The following TPX2 variants were observed in gnomAD, a reference collection of about 807,000 sequenced individuals.
TPX2 encodes the protein TPX2 microtubule nucleation factor, also known as targeting protein for Xklp2.
A neutral mutation model predicts 93.6 loss-of-function variants in TPX2; 21 were observed. That is an observed-to-expected ratio of 0.22 (90% CI 0.16 to 0.32). The LOEUF (loss-of-function observed/expected upper bound fraction) is 0.32, where lower values mean the gene tolerates loss of function less well. Among genes scored for constraint, TPX2 ranks in the 10% least tolerant of loss-of-function variants. The pLI, the probability that TPX2 is intolerant of heterozygous loss-of-function variation, is 1.00. For missense variants in TPX2, 776 were observed against 871.1 expected, an observed-to-expected ratio of 0.89 and a Z score of 1.37; for synonymous variants, 281 against 298.3, an observed-to-expected ratio of 0.94 and a Z score of 0.60.
In TPX2 at chr20:31,770,440, G is replaced by A. The variant is rs2061958154; in HGVS notation, c.454G>A (p.Asp152Asn). Reference sequence around the variant, plus strand: ...GAGATGTGCCACTCCTGTAATCATCGATGAAATTCTACCCTCTAAGAAAAT... The same window carrying A: ...GAGATGTGCCACTCCTGTAATCATCAATGAAATTCTACCCTCTAAGAAAAT... ...AKRCATPVII[D>N]EILPSKKMKV... The change falls in exon 6 of 18, where the codon GAT becomes AAT. Residue 152 changes from aspartate to asparagine, a missense_variant. Physicochemically the swap from Asp to Asn is conservative, Grantham distance 23. Around this residue, in one of 3 missense-constraint regions of TPX2, gnomAD observed 279 missense variants for 261.6 expected, o/e 1.07. Transcript: ENST00000300403. 7 of 1,593,052 alleles carry A rather than the reference G, an allele frequency of 4.4e-6. No individual in the cohort carries two copies. Among genetic ancestry groups the A allele is most frequent in the South Asian group, 1.2e-5 (1 of 86,770 alleles).
At chr20:31,768,641 A>T (rs767683893) in intron 5 of TPX2, among the ~76,000 whole-genome samples, 2 of 152,198 alleles carry the variant, frequency 1.3e-5, no homozygotes, top group Non-Finnish European at 2.9e-5. Context: ...TAATTAAAAG[A>T]TAAAGAGATG....
intron 2 of TPX2, among the ~76,000 whole-genome samples, chr20:31,748,873 C>A (rs1482142691): frequency 2.0e-5 from 3 of 151,994 alleles, no homozygotes; most frequent in African/African-American, 7.2e-5. Context: ...AGGTGCCTGG[C>A]CTACAGTAGA....
At chr20:31,756,906 C>T (rs1367259027) in intron 2 of TPX2, among the ~76,000 whole-genome samples, 1 of 152,120 alleles carries the variant, frequency 6.6e-6, no homozygotes, top group Non-Finnish European at 1.5e-5. Context: ...GGATTACAGG[C>T]GTGAGCCACT....
rs2061759296 is a variant in TPX2 at position 31,742,534 on chromosome 20, C to T, written c.-177-7C>T. Reference sequence around the variant, plus strand: ...AACCTGTTTCATCACTTTTCTGCTTCTTCCAGGTTCTTGATACATATTTGC... The same window carrying T: ...AACCTGTTTCATCACTTTTCTGCTTTTTCCAGGTTCTTGATACATATTTGC... On this transcript the variant is annotated splice_polypyrimidine_tract_variant and splice_region_variant and intron_variant, in intron 1 of 17. Coordinates refer to ENST00000300403, the MANE Select transcript of TPX2 (RefSeq NM_012112.5). 6.6e-6 allele frequency: 1 copy of T among 152,190 alleles called. No homozygotes were observed. The highest frequency in any genetic ancestry group is 2.1e-4 in the South Asian group (1 of 4,836). The allele number at this position is 152,190 out of a possible 1,614,324, so 9.4% of individuals were successfully genotyped here. A position where few individuals can be genotyped will look rare whatever the true frequency, so the allele number is the denominator to read the frequency against.
chr20:31,748,180 G>A (rs2061795772), intron 2 of TPX2, among the ~76,000 whole-genome samples: 1 of 152,058 alleles, frequency 6.6e-6, no homozygotes, highest in South Asian at 2.1e-4. Flanking sequence ...TTAAAGAACA[G>A]GTCATGTTAG....
chr20:31,788,232 C>A (rs2123073736), intron 12 of TPX2, among the ~76,000 whole-genome samples: 1 of 152,118 alleles, frequency 6.6e-6, no homozygotes, highest in East Asian at 1.9e-4. Flanking sequence ...GCCTGCCCAA[C>A]ATGGTGAAAC....
intron 5 of TPX2, 33 bp from the exon 6 acceptor site, chr20:31,770,306 ATATT>A (rs749214969): frequency 1.4e-6 from 2 of 1,396,294 alleles, no homozygotes; most frequent in African/African-American, 2.9e-5. Flanking sequence ...TGTAGTATAT[ATATT>A]TATTATATAT....
rs193070811 is a variant in TPX2 at position 31,769,565 on chromosome 20, C to T, written c.357-778C>T. ...GGTCTCGATCTCCTGACCTGGTGAT[C>T]CGCCTGCCTCGGCCTCCCAAAGTGC... On this transcript the variant is annotated intron_variant, in intron 5 of 17. Coordinates refer to ENST00000300403, the MANE Select transcript of TPX2 (RefSeq NM_012112.5). 1.9e-3 allele frequency among the ~76,000 whole-genome samples: 295 copies of T among 152,180 alleles called. 3 individuals carry two copies. The highest frequency in any genetic ancestry group is 0.014 in the Middle Eastern group (4 of 294).
chr20:31,794,333 G>C, intron 14 of TPX2, 69 bp from the exon 15 acceptor site: 1 of 1,553,960 alleles, frequency 6.4e-7, no homozygotes, highest in Non-Finnish European at 8.7e-7. Context: ...GATTCTTCCA[G>C]ATATTCTGGA....
At chr20:31,750,018 ACCT>A (rs1459851809) in intron 2 of TPX2, among the ~76,000 whole-genome samples, 2 of 151,296 alleles carry the variant, frequency 1.3e-5, no homozygotes, top group Middle Eastern at 3.4e-3. Context: ...GCTCACTGGA[ACCT>A]CCTCCTCCCG....
intron 4 of TPX2, among the ~76,000 whole-genome samples, chr20:31,764,283 C>T (rs546578096): frequency 9.2e-5 from 14 of 152,186 alleles, no homozygotes; most frequent in Admixed American, 6.5e-4. Flanking sequence ...GATCCTCTTA[C>T]CTCAGCCTCT....
intron 7 of TPX2, among the ~76,000 whole-genome samples, chr20:31,774,883 G>A (rs1294787200): frequency 6.6e-6 from 1 of 152,144 alleles, no homozygotes; most frequent in Non-Finnish European, 1.5e-5. Flanking sequence ...GGGATTACAA[G>A]GGCATGCCAT....
intron 2 of TPX2, among the ~76,000 whole-genome samples, chr20:31,754,006 A>G (rs543866928): frequency 1.4e-4 from 22 of 152,252 alleles, no homozygotes; most frequent in Middle Eastern, 3.4e-3. Flanking sequence ...AGCCTGGGCG[A>G]CAGAGCAAGA....
rs1600346210 is a variant in TPX2 at position 31,741,352 on chromosome 20, C to A, written c.-177-1189C>A. On this transcript the variant is annotated intron_variant, in intron 1 of 17. Transcript: ENST00000300403. ...TTTGAGACGGAGTCTCACTCTGTCG[C>A]CCAGGCTGGAGTGCAGTGGCGCGAT... Among the ~76,000 whole-genome samples, 8 of 151,448 alleles carry A rather than the reference C, an allele frequency of 5.3e-5. 1 individual carries two copies. The East Asian group carries it at 1.6e-3, about 29-fold the overall frequency.
rs2062111758 is a variant in TPX2, at chr20:31,792,897, T to A, written c.1509+67T>A. 4 of 1,433,186 alleles carry A rather than the reference T, an allele frequency of 2.8e-6. No individual in the cohort carries two copies. In the Admixed American group the frequency reaches 6.8e-5, roughly 24 times the overall value. 88.8% of individuals were successfully genotyped at this position (1,433,186 alleles called of 1,614,324 possible). On this transcript the variant is annotated intron_variant, in intron 13 of 17. Coordinates refer to ENST00000300403, the MANE Select transcript of TPX2 (RefSeq NM_012112.5). Reference sequence around the variant, plus strand: ...AGTCAGTCAATCTAAGCCTTATCATTTATTAATCTTAATGGAGTTCAAAGG... The same window carrying A: ...AGTCAGTCAATCTAAGCCTTATCATATATTAATCTTAATGGAGTTCAAAGG...
chr20:31,751,136 CA>C (rs1345071988), intron 2 of TPX2, among the ~76,000 whole-genome samples: 1 of 151,910 alleles, frequency 6.6e-6, no homozygotes, highest in Non-Finnish European at 1.5e-5. Flanking sequence ...GCCTGAGCAA[CA>C]GGCTAGATTC....
intron 8 of TPX2, among the ~76,000 whole-genome samples, chr20:31,776,833 T>C (rs1019301623): frequency 2.0e-5 from 3 of 152,202 alleles, no homozygotes; most frequent in Admixed American, 6.5e-5. Flanking sequence ...GGCTCACTGG[T>C]ACTTTCTTAA....
intron 5 of TPX2, among the ~76,000 whole-genome samples, chr20:31,767,832 A>T (rs775414188): frequency 2.0e-5 from 3 of 151,872 alleles, no homozygotes; most frequent in Non-Finnish European, 4.4e-5. Flanking sequence ...GATTACAGGC[A>T]TGAGCCACTG....
At chr20:31,770,057 T>A (rs377285487) in intron 5 of TPX2, among the ~76,000 whole-genome samples, 65 of 152,256 alleles carry the variant, frequency 4.3e-4, no homozygotes, top group African/African-American at 1.5e-3. Context: ...GCCGCAGCTT[T>A]CCAAAGTGCT....
Sources: gnomAD v4.1 joint callset for allele counts (sites outside exome capture counted in the v4.1 genomes callset) on GRCh38, gnomAD v4.1.1 for gene constraint, gnomAD v4.1.1 regional missense constraint, MANE v1.5 for transcripts, NCBI Gene and HGNC (gene_info 2026-07-23, HGNC 2026-07-21) for gene names.